Variants in STPG2 observed in about 807,000 individuals in gnomAD.
STPG2 encodes the protein sperm-tail PG-rich repeat-containing protein 2.
STPG2 carries 56 observed loss-of-function variants against 54.2 expected under a neutral mutation model. The observed-to-expected ratio is 1.03, with a 90% CI of 0.83 to 1.29. The LOEUF (loss-of-function observed/expected upper bound fraction) is 1.29, where lower values mean the gene tolerates loss of function less well. STPG2 is among the 50% of genes most tolerant of loss of function. The pLI, the probability that STPG2 is intolerant of heterozygous loss-of-function variation, is 0.00. For missense variants in STPG2, 596 were observed against 544.9 expected, an observed-to-expected ratio of 1.09 and a Z score of -0.93; for synonymous variants, 200 against 181.8, an observed-to-expected ratio of 1.10 and a Z score of -0.81.
At chr4:97,884,283 A>G (rs1279576372) in intron 8 of STPG2, among the ~76,000 whole-genome samples, 1 of 152,194 alleles carries the variant, frequency 6.6e-6, no homozygotes, top group Non-Finnish European at 1.5e-5. Flanking sequence ...CAAAATTTTT[A>G]CAATGAACTT....
chr4:98,085,894 A>T (rs1221257160), intron 5 of STPG2, among the ~76,000 whole-genome samples: 2 of 152,060 alleles, frequency 1.3e-5, no homozygotes, highest in African/African-American at 4.8e-5. Flanking sequence ...GATCAAGCCT[A>T]ATCAGTAGTT....
chr4:97,975,011 T>C lies in STPG2; in HGVS notation c.773-2571A>G, dbSNP rs555441390. On this transcript the variant is annotated intron_variant, in intron 6 of 10. Coordinates refer to ENST00000295268, the MANE Select transcript of STPG2 (RefSeq NM_174952.3). ...AAACACAACAATATAAATGTTTCTC[T>C]AGAATATCATAAGTAAAAAAAGGCA... Among the ~76,000 whole-genome samples the C allele has an allele frequency of 1.5e-3, 235 of 152,290 alleles. 1 individual carries two copies. Among genetic ancestry groups the C allele is most frequent in the African/African-American group, 5.6e-3 (233 of 41,564 alleles).
chr4:97,560,922 T>G (rs1228503185), intron 10 of STPG2, among the ~76,000 whole-genome samples: 2 of 152,232 alleles, frequency 1.3e-5, no homozygotes, highest in African/African-American at 4.8e-5. Flanking sequence ...CATGTGCATG[T>G]GTCTTTATAG....
intron 9 of STPG2, among the ~76,000 whole-genome samples, chr4:97,759,051 A>G (rs1396442744): frequency 6.6e-6 from 1 of 152,160 alleles, no homozygotes; most frequent in Non-Finnish European, 1.5e-5. Context: ...AAATAATGAG[A>G]TGTTTTATTC....
At chr4:97,472,605 A>T (rs1729964894) in intron 4 of STPG2, among the ~76,000 whole-genome samples, 1 of 152,220 alleles carries the variant, frequency 6.6e-6, no homozygotes, top group Non-Finnish European at 1.5e-5. Flanking sequence ...CTAATTATTA[A>T]TTATTTTATT....
intron 8 of STPG2, among the ~76,000 whole-genome samples, chr4:97,892,518 G>C (rs116323494): frequency 0.01 from 1,561 of 152,248 alleles, 31 homozygotes; most frequent in African/African-American, 0.036. Context: ...ACCAAAGACC[G>C]CATAAGCTAT....
chr4:97,950,185 C>G (rs1347760246), intron 7 of STPG2, among the ~76,000 whole-genome samples: 1 of 151,914 alleles, frequency 6.6e-6, no homozygotes, highest in Non-Finnish European at 1.5e-5. Context: ...TCTAGTATCT[C>G]AAATAAATTT....
chr4:98,079,269 G>T (rs1013770481), intron 5 of STPG2, among the ~76,000 whole-genome samples: 2 of 152,178 alleles, frequency 1.3e-5, no homozygotes, highest in African/African-American at 2.4e-5. Context: ...GGCAAATGTG[G>T]ATATGTATCC....
intron 8 of STPG2, among the ~76,000 whole-genome samples, chr4:97,909,039 T>C (rs1411336175): frequency 3.4e-5 from 5 of 148,066 alleles, no homozygotes; most frequent in Admixed American, 6.7e-5. Flanking sequence ...ATAATAATAA[T>C]AATAAGTTGT....
chr4:97,911,186 TG>T (rs1159326094), intron 8 of STPG2, among the ~76,000 whole-genome samples: 5 of 152,174 alleles, frequency 3.3e-5, no homozygotes, highest in African/African-American at 1.2e-4. Flanking sequence ...ACCAGGGCCT[TG>T]GGTGAAAAGC....
At chr4:97,896,463 A>C (rs913235855) in intron 8 of STPG2, among the ~76,000 whole-genome samples, 1 of 151,820 alleles carries the variant, frequency 6.6e-6, no homozygotes, top group African/African-American at 2.4e-5. Flanking sequence ...GCAGATGTTT[A>C]ATTTGCAAAA....
At chr4:97,698,704 G>T (rs1053955752) in intron 10 of STPG2, among the ~76,000 whole-genome samples, 4 of 152,130 alleles carry the variant, frequency 2.6e-5, no homozygotes, top group Non-Finnish European at 5.9e-5. Flanking sequence ...GGCTGATTCA[G>T]AGCATTCATG....
At chr4:97,814,307 C>T (rs1727839904) in intron 9 of STPG2, among the ~76,000 whole-genome samples, 1 of 151,942 alleles carries the variant, frequency 6.6e-6, no homozygotes, top group African/African-American at 2.4e-5. Context: ...TAATTTAGGA[C>T]TTTCTAAGAT....
chr4:97,876,409 T>A (rs1314991955), intron 8 of STPG2, among the ~76,000 whole-genome samples: 1 of 152,066 alleles, frequency 6.6e-6, no homozygotes, highest in African/African-American at 2.4e-5. Context: ...GCTTCTTTTA[T>A]AATTAAGCAA....
At chr4:97,903,744 A>G (rs1053537509) in intron 8 of STPG2, among the ~76,000 whole-genome samples, 2 of 152,326 alleles carry the variant, frequency 1.3e-5, no homozygotes, top group Admixed American at 6.5e-5. Context: ...GGGTGCGCAA[A>G]CTGTGCAGGA....
chr4:97,846,483 G>C (rs1001973296), intron 8 of STPG2, among the ~76,000 whole-genome samples: 1 of 151,912 alleles, frequency 6.6e-6, no homozygotes, highest in Non-Finnish European at 1.5e-5. Context: ...AAATTAGCCA[G>C]GCGTGGTGGC....
rs2148872362 is a variant in STPG2 at position 97,558,952 on chromosome 4, A to G, written c.*106T>C. The G allele has an allele frequency of 1.1e-6, 1 of 929,710 alleles. No homozygotes were observed. Among genetic ancestry groups the G allele is most frequent in the Non-Finnish European group, 1.7e-6 (1 of 589,574 alleles). The allele number at this position is 929,710 out of a possible 1,614,324, so 57.6% of individuals were successfully genotyped here. A position where few individuals can be genotyped will look rare whatever the true frequency, so the allele number is the denominator to read the frequency against. On this transcript the variant is annotated 3_prime_UTR_variant, in exon 11 of 11. Coordinates refer to ENST00000295268, the MANE Select transcript of STPG2 (RefSeq NM_174952.3). ...TGAGCGAATGCCTGAACAAGTGAAA[A>G]TTATGCTTTTATTACTCCTATATTT...
chr4:98,125,923 C>T (rs1739817036), intron 3 of STPG2, among the ~76,000 whole-genome samples: 1 of 152,190 alleles, frequency 6.6e-6, no homozygotes, highest in Admixed American at 6.5e-5. Flanking sequence ...GATCAGGGTC[C>T]CACTTGAAGC....
At chr4:97,556,258 T>C (rs1413997939), downstream of STPG2, among the ~76,000 whole-genome samples, 3 of 152,164 alleles carry the variant, frequency 2.0e-5, no homozygotes, top group Non-Finnish European at 4.4e-5. Flanking sequence ...GAGTAAATGG[T>C]GAAGTTACTT....
Sources: gnomAD v4.1 joint callset for allele counts (sites outside exome capture counted in the v4.1 genomes callset) on GRCh38, gnomAD v4.1.1 for gene constraint, MANE v1.5 for transcripts, NCBI Gene and HGNC (gene_info 2026-07-23, HGNC 2026-07-21) for gene names.